Variants in ARHGEF9 observed in about 807,000 individuals in gnomAD.
The protein encoded by ARHGEF9 is Cdc42 guanine nucleotide exchange factor 9, also known as rho guanine nucleotide exchange factor 9.
ARHGEF9 carries 2 observed loss-of-function variants against 41.3 expected under a neutral mutation model. The observed-to-expected ratio is 0.05, with a 90% CI of 0.02 to 0.15. ARHGEF9 has a LOEUF of 0.15. Ranked by LOEUF, ARHGEF9 falls within the 10% of genes least tolerant of loss-of-function variation. ARHGEF9 has a pLI of 1.00. For synonymous variants in ARHGEF9, 160 were observed against 154.4 expected (o/e 1.04, Z -0.27); for missense variants, 225 against 424.7 (o/e 0.53, Z 4.13).
intron 1 of ARHGEF9, among the ~76,000 whole-genome samples, chrX:63,764,908 G>A (rs1255566917): frequency 1.8e-5 from 2 of 111,358 alleles, no homozygotes; most frequent in Admixed American, 9.5e-5. Context: ...AACCACCATG[G>A]CACATGTTTA....
intron 4 of ARHGEF9, among the ~76,000 whole-genome samples, chrX:63,687,627 A>G (rs1304117718): frequency 9.0e-6 from 1 of 111,030 alleles, no homozygotes; most frequent in Non-Finnish European, 1.9e-5. Context: ...TAACACAGAA[A>G]AGCAATTCAG....
At chrX:63,764,602 A>G (rs1351176934) in intron 1 of ARHGEF9, among the ~76,000 whole-genome samples, 1 of 112,624 alleles carries the variant, frequency 8.9e-6, no homozygotes, top group East Asian at 2.8e-4. Flanking sequence ...GGATAAAGAA[A>G]ATGTAGTACA....
At chrX:63,691,162 G>T (rs2051321098) in intron 4 of ARHGEF9, among the ~76,000 whole-genome samples, 1 of 111,598 alleles carries the variant, frequency 9.0e-6, no homozygotes, top group Non-Finnish European at 1.9e-5. Flanking sequence ...ATGAAATAAA[G>T]GGTATCCATA....
intron 7 of ARHGEF9, among the ~76,000 whole-genome samples, chrX:63,665,586 C>A (rs2049482062): frequency 8.9e-6 from 1 of 112,413 alleles, no homozygotes; most frequent in East Asian, 2.8e-4. Context: ...ATGGTGCAGA[C>A]CAGCAGCTCT....
At chrX:63,683,718 C>T (rs1434319230) in intron 4 of ARHGEF9, among the ~76,000 whole-genome samples, 1 of 111,258 alleles carries the variant, frequency 9.0e-6, no homozygotes. Flanking sequence ...TAATTTTTGA[C>T]AAGAGCACCA....
At chrX:63,695,845 G>T (rs1416332329) in intron 4 of ARHGEF9, among the ~76,000 whole-genome samples, 1 of 111,303 alleles carries the variant, frequency 9.0e-6, no homozygotes, top group Non-Finnish European at 1.9e-5. Context: ...TACATGATGA[G>T]CCCACAATAA....
chrX:63,691,881 G>A (rs181714708), intron 4 of ARHGEF9, among the ~76,000 whole-genome samples: 2 of 111,251 alleles, frequency 1.8e-5, no homozygotes, highest in African/African-American at 6.5e-5. Flanking sequence ...GAACAGAATA[G>A]AGAATCCCAA....
chrX:63,643,959 G>C, intron 9 of ARHGEF9, 21 bp downstream of exon 9: 1 of 1,199,862 alleles, frequency 8.3e-7, no homozygotes, highest in Non-Finnish European at 1.1e-6. Flanking sequence ...CTTTCACAGA[G>C]ACTGAGTGGG....
intron 2 of ARHGEF9, among the ~76,000 whole-genome samples, chrX:63,707,589 A>G (rs1463561267): frequency 9.0e-6 from 1 of 110,923 alleles, no homozygotes; most frequent in African/African-American, 3.3e-5. Flanking sequence ...AGAGCTTGCC[A>G]GTTGTCTCAA....
chrX:63,651,151 T>A (rs1169665521), intron 8 of ARHGEF9, among the ~76,000 whole-genome samples: 3 of 111,152 alleles, frequency 2.7e-5, no homozygotes, highest in African/African-American at 9.7e-5. Flanking sequence ...TATTAAAAAA[T>A]TTAATATAAT....
Position 63,655,699 on chromosome X carries a change from G to A in ARHGEF9, c.1116C>T (p.Arg372=), listed in dbSNP as rs1556334992. ...CTACCTCATATTTATCCATGTCAAT[G>A]CGGCCTTTGTAGTACAGGATGTCTC... The part of the protein sequence containing the change: ...IRRDILYYKG[R]IDMDKYEVVD... The change falls in exon 8 of 10, where the codon CGC becomes CGT. Residue 372 remains arginine, a synonymous_variant. Transcript: ENST00000671741. The A allele has an allele frequency of 4.1e-6, 5 of 1,210,083 alleles. No homozygotes were observed. The highest frequency in any genetic ancestry group is 5.6e-6 in the Non-Finnish European group (5 of 894,987).
chrX:63,734,252 CATGTTTCTGA>C (rs2054481937), intron 1 of ARHGEF9, among the ~76,000 whole-genome samples: 2 of 112,005 alleles, frequency 1.8e-5, no homozygotes, highest in Non-Finnish European at 3.8e-5. Context: ...AGAGAGAAGA[CATGTTTCTGA>C]ATGGCCAACC....
intron 1 of ARHGEF9, among the ~76,000 whole-genome samples, chrX:63,763,015 CAT>C (rs1402048744): frequency 1.8e-5 from 2 of 111,972 alleles, no homozygotes; most frequent in Admixed American, 1.9e-4. Flanking sequence ...GTATATAAAA[CAT>C]ATACAAAATA....
chrX:63,655,968 A>G (rs1346525378), intron 7 of ARHGEF9, among the ~76,000 whole-genome samples: 3 of 112,263 alleles, frequency 2.7e-5, no homozygotes, highest in Non-Finnish European at 5.6e-5. Flanking sequence ...TTCAGACACC[A>G]GAATCAATCC....
intron 8 of ARHGEF9, among the ~76,000 whole-genome samples, chrX:63,652,213 C>G (rs1414814733): frequency 2.7e-5 from 3 of 111,287 alleles, no homozygotes; most frequent in African/African-American, 9.8e-5. Flanking sequence ...GGAAATAAAG[C>G]TAAATATAAA....
intron 6 of ARHGEF9, among the ~76,000 whole-genome samples, chrX:63,669,399 G>A (rs1479709929): frequency 2.7e-5 from 3 of 111,771 alleles, no homozygotes; most frequent in East Asian, 2.8e-4. Flanking sequence ...CATAGGGCCT[G>A]GCATATGAGG....
chrX:63,738,171 T>C (rs1444674981), intron 1 of ARHGEF9, among the ~76,000 whole-genome samples: 1 of 111,729 alleles, frequency 9.0e-6, no homozygotes, highest in Non-Finnish European at 1.9e-5. Flanking sequence ...TTCAATGAAG[T>C]ATCAAAGAAT....
intron 2 of ARHGEF9, among the ~76,000 whole-genome samples, chrX:63,714,538 G>A (rs2053168047): frequency 1.8e-5 from 2 of 111,652 alleles, no homozygotes; most frequent in Non-Finnish European, 1.9e-5. Context: ...GTGAAGACTC[G>A]GGATCCTGAT....
chrX:63,783,333 G>A (rs1212882614), intron 1 of ARHGEF9, among the ~76,000 whole-genome samples: 2 of 104,802 alleles, frequency 1.9e-5, no homozygotes, highest in African/African-American at 7.1e-5. Flanking sequence ...GGACTGCAAC[G>A]GCACAATCTC....
Sources: gnomAD v4.1 joint callset for allele counts (sites outside exome capture counted in the v4.1 genomes callset) on GRCh38, gnomAD v4.1.1 for gene constraint, MANE v1.5 for transcripts, NCBI Gene and HGNC (gene_info 2026-07-23, HGNC 2026-07-21) for gene names.